UNK: variants seen among roughly 807,000 people sequenced by gnomAD.
UNK encodes the protein RING finger protein unkempt homolog.
In UNK, 32 loss-of-function variants were observed where a neutral mutation model predicts 97.6. The ratio of observed to expected loss-of-function variants is 0.33; its 90% confidence interval spans 0.25 to 0.44. The LOEUF (loss-of-function observed/expected upper bound fraction) is 0.44. Among genes scored for constraint, UNK ranks in the 20% least tolerant of loss-of-function variants. UNK has a pLI of 1.00. For missense variants in UNK, 771 were observed against 1,098.4 expected (o/e 0.70, Z 4.21); for synonymous variants, 441 against 461.2 (o/e 0.96, Z 0.56).
intron 1 of UNK, chr17:75,794,003 G>T: frequency 2.0e-6 from 2 of 985,276 alleles, no homozygotes; most frequent in Non-Finnish European, 2.4e-6. Context: ...ACTGTTAAGA[G>T]GTGCCAGGCA....
chr17:75,822,189 AC>A (rs2062075097), intron 13 of UNK, among the ~76,000 whole-genome samples: 1 of 152,156 alleles, frequency 6.6e-6, no homozygotes, highest in Non-Finnish European at 1.5e-5. Flanking sequence ...CCCCTGAGTT[AC>A]CCGGTGAGGC....
In UNK at chr17:75,825,065, T is replaced by TG; in HGVS notation, c.*652dup. 1 of 152,322 alleles carries TG rather than the reference T, an allele frequency of 6.6e-6. No individual in the cohort carries two copies. Among genetic ancestry groups the TG allele is most frequent in the East Asian group, 1.9e-4 (1 of 5,170 alleles). 9.4% of individuals were successfully genotyped at this position (152,322 alleles called of 1,614,324 possible). A position where few individuals can be genotyped will look rare whatever the true frequency, so the allele number is the denominator to read the frequency against. On this transcript the variant is annotated 3_prime_UTR_variant, in exon 16 of 16. Coordinates refer to ENST00000589666, the MANE Select transcript of UNK (RefSeq NM_001080419.3). The surrounding 1 kb of genome is among the most constrained non-coding windows in gnomAD (Gnocchi z 4.4). ...AGTTTACCAAATGTTAATTTAGTCTTGGGGAGAACAGCAAGGGCTGGAGGC... is the reference window on the plus strand; with the variant it reads ...AGTTTACCAAATGTTAATTTAGTCTTGGGGGAGAACAGCAAGGGCTGGAGGC...
chr17:75,792,046 G>A (rs934014676), intron 1 of UNK: 5 of 985,430 alleles, frequency 5.1e-6, no homozygotes, highest in Non-Finnish European at 6.0e-6. Context: ...GTGTGTCTTA[G>A]AAGCCATGAG....
chr17:75,809,706 C>T, intron 1 of UNK, 54 bp from the exon 2 acceptor site: 1 of 1,541,224 alleles, frequency 6.5e-7, no homozygotes, highest in East Asian at 2.5e-5. Flanking sequence ...TGCTGGGAAG[C>T]AAGAGACTTC....
intron 1 of UNK, among the ~76,000 whole-genome samples, chr17:75,806,636 G>A (rs1293049027): frequency 1.3e-5 from 2 of 151,862 alleles, no homozygotes; most frequent in South Asian, 2.1e-4. Flanking sequence ...AGCTGGGCGT[G>A]GTGGCGGGTG....
Position 75,817,032 on chromosome 17 carries a change from G to A in UNK, c.1104+120G>A, listed in dbSNP as rs1299941452. On this transcript the variant is annotated intron_variant, in intron 8 of 15. Coordinates refer to ENST00000589666, the MANE Select transcript of UNK (RefSeq NM_001080419.3). The surrounding 1 kb of genome is among the most constrained non-coding windows in gnomAD (Gnocchi z 5.8). ...CTGGTATTTGTCCTCAGGCCAGGGG[G>A]ATCTGTCTTTTCCATCTCAGCATTC... The A allele has an allele frequency of 9.3e-6, 13 of 1,392,596 alleles. No individual in the cohort carries two copies. The highest frequency in any genetic ancestry group is 1.1e-5 in the Non-Finnish European group (12 of 1,052,974). The allele number at this position is 1,392,596 out of a possible 1,614,324, so 86.3% of individuals were successfully genotyped here.
intron 4 of UNK, 66 bp downstream of exon 4, chr17:75,812,651 G>A (rs1298477803): frequency 2.4e-4 from 376 of 1,561,286 alleles, no homozygotes; most frequent in Non-Finnish European, 2.9e-4. Context: ...CTGGGGATTT[G>A]GCTCACCACC....
chr17:75,785,078 T>G, intron 1 of UNK, 94 bp downstream of exon 1: 65 of 707,494 alleles, frequency 9.2e-5, no homozygotes, highest in Non-Finnish European at 9.9e-5. Context: ...AGGCGGCCTC[T>G]TCCTCCCCCC....
At chr17:75,796,996 A>G (rs1030032537) in intron 1 of UNK, among the ~76,000 whole-genome samples, 2 of 152,204 alleles carry the variant, frequency 1.3e-5, no homozygotes, top group African/African-American at 4.8e-5. Flanking sequence ...AGTAGCTAGC[A>G]GGGTTAACAT....
chr17:75,824,509 T>C lies in UNK; in HGVS notation c.*92T>C, dbSNP rs924623768. On this transcript the variant is annotated 3_prime_UTR_variant, in exon 16 of 16. Coordinates refer to ENST00000589666, the MANE Select transcript of UNK (RefSeq NM_001080419.3). This position sits in a 1 kb window ranked among gnomAD's most constrained non-coding sequence, Gnocchi z 4.9. ...ATATGAATATATATATATATGTGTA[T>C]GTATGTATGTATATGTATATGATTA... is the stretch of plus-strand genomic sequence containing the variant. The C allele has an allele frequency of 9.9e-6, 9 of 912,402 alleles. No homozygotes were observed. Among genetic ancestry groups the C allele is most frequent in the African/African-American group, 7.0e-5 (4 of 56,784 alleles). 56.5% of individuals were successfully genotyped at this position (912,402 alleles called of 1,614,324 possible). A position where few individuals can be genotyped will look rare whatever the true frequency, so the allele number is the denominator to read the frequency against.
intron 1 of UNK, among the ~76,000 whole-genome samples, chr17:75,804,338 C>T (rs973133654): frequency 2.0e-5 from 3 of 151,994 alleles, no homozygotes; most frequent in African/African-American, 7.3e-5. Flanking sequence ...GCCTGTAATC[C>T]CAGCTACTCA....
chr17:75,795,262 G>A (rs1230492453), intron 1 of UNK, among the ~76,000 whole-genome samples: 2 of 152,082 alleles, frequency 1.3e-5, no homozygotes, highest in African/African-American at 4.8e-5. Flanking sequence ...TCATAAAACT[G>A]GAGGTTTTCC....
At chr17:75,815,064 C>T (rs1044376997) in intron 6 of UNK, 105 bp from the exon 7 acceptor site, 4 of 1,001,392 alleles carry the variant, frequency 4.0e-6, no homozygotes, top group Non-Finnish European at 5.9e-6. Flanking sequence ...GCCGGGAACA[C>T]AGGGCAAGAG....
intron 1 of UNK, among the ~76,000 whole-genome samples, chr17:75,808,051 C>T (rs571695571): frequency 1.3e-5 from 2 of 152,302 alleles, no homozygotes; most frequent in South Asian, 2.1e-4. Context: ...GTTCCTGGCT[C>T]GGGGCCCAGC....
Position 75,802,954 on chromosome 17 carries a change from G to A in UNK, c.105-6806G>A, listed in dbSNP as rs534701267. Among the ~76,000 whole-genome samples the A allele has an allele frequency of 2.8e-3, 384 of 136,342 alleles. 9 individuals are homozygous for A. Among genetic ancestry groups the A allele is most frequent in the African/African-American group, 0.011 (359 of 32,654 alleles). 89.4% of individuals were successfully genotyped at this position (136,342 alleles called of 152,430 possible). A position where few individuals can be genotyped will look rare whatever the true frequency, so the allele number is the denominator to read the frequency against. Reference sequence around the variant, plus strand: ...ACCCTGGCCAACATGGTGAAACCTCGTCTCTACTAAAAATACAAAAATTAC... The same window carrying A: ...ACCCTGGCCAACATGGTGAAACCTCATCTCTACTAAAAATACAAAAATTAC... On this transcript the variant is annotated intron_variant, in intron 1 of 15. Coordinates refer to ENST00000589666, the MANE Select transcript of UNK (RefSeq NM_001080419.3).
rs912598182 is a variant in UNK, at chr17:75,822,548, G to A, written c.1909G>A (p.Ala637Thr). The change falls in exon 14 of 16, where the codon GCT becomes ACT. Residue 637 changes from alanine to threonine, a missense_variant. Ala to Thr is a moderately conservative substitution (Grantham distance 58, BLOSUM62 0). Around this residue, in one of 5 missense-constraint regions of UNK, gnomAD observed 208 missense variants for 257.4 expected, o/e 0.81. Coordinates refer to ENST00000589666, the MANE Select transcript of UNK (RefSeq NM_001080419.3). The stretch of plus-strand genomic sequence containing the variant: ...AAGCTTCTCCCCGGGCACTTCCCCC[G>A]CTTTCCTATCAGGGCCAGGGGCTGC... ...SGSFSPGTSP[A>T]FLSGPGAAEL... The A allele has an allele frequency of 5.6e-6, 9 of 1,613,480 alleles. No homozygotes were observed. In the African/African-American group the frequency reaches 6.7e-5, roughly 12 times the overall value.
intron 6 of UNK, 127 bp from the exon 7 acceptor site, chr17:75,815,042 G>A (rs933071172): frequency 9.5e-6 from 7 of 735,910 alleles, no homozygotes; most frequent in Non-Finnish European, 1.6e-5. Flanking sequence ...CATAGTGGAG[G>A]GGAGGGGAGG....
chr17:75,791,266 TAAAC>T (rs1354671030), intron 1 of UNK, among the ~76,000 whole-genome samples: 1 of 152,226 alleles, frequency 6.6e-6, no homozygotes, highest in Non-Finnish European at 1.5e-5. Context: ...GGCATCGAAT[TAAAC>T]AAAGATAATG....
At chr17:75,810,110 C>T (rs899239912) in intron 2 of UNK, 141 bp downstream of exon 2, 2 of 994,938 alleles carry the variant, frequency 2.0e-6, no homozygotes, top group Admixed American at 5.3e-5. Flanking sequence ...GGACTCAGAC[C>T]CCACCATCCC....
Sources: allele counts gnomAD v4.1 joint callset (sites outside exome capture counted in the v4.1 genomes callset), GRCh38; gene constraint gnomAD v4.1.1; regional missense constraint gnomAD v4.1.1; non-coding constraint Gnocchi (gnomAD v3.1); transcripts MANE v1.5; gene names NCBI Gene and HGNC (gene_info 2026-07-23, HGNC 2026-07-21).